Variants in GALNT13 observed in about 807,000 individuals in gnomAD.
The protein encoded by GALNT13 is polypeptide N-acetylgalactosaminyltransferase 13.
GALNT13 carries 28 observed loss-of-function variants against 64.2 expected under a neutral mutation model. That is an observed-to-expected ratio of 0.44 (90% CI 0.32 to 0.60). The LOEUF (loss-of-function observed/expected upper bound fraction) is 0.60. Among genes scored for constraint, GALNT13 ranks in the 20% least tolerant of loss-of-function variants. GALNT13 has a pLI of 0.05. For synonymous variants in GALNT13, 214 were observed against 224.6 expected, an observed-to-expected ratio of 0.95 and a Z score of 0.42; for missense variants, 577 against 669.8, an observed-to-expected ratio of 0.86 and a Z score of 1.53.
At chr2:154,024,063 A>T (rs1233793822) in intron 3 of GALNT13, among the ~76,000 whole-genome samples, 5 of 152,140 alleles carry the variant, frequency 3.3e-5, no homozygotes, top group African/African-American at 4.8e-5. Flanking sequence ...CCGAGAGATC[A>T]GCTGTTAGTC....
intron 8 of GALNT13, among the ~76,000 whole-genome samples, chr2:154,277,560 A>C (rs1691718504): frequency 6.6e-6 from 1 of 152,164 alleles, no homozygotes; most frequent in Non-Finnish European, 1.5e-5. Context: ...AGATTTATTT[A>C]AATAAGACCG....
At position 154,207,801 on chromosome 2, in the gene GALNT13, A is replaced by C. The variant is rs149074634; in HGVS notation, c.312-34229A>C. Among the ~76,000 whole-genome samples, 435 of 152,292 alleles carry C rather than the reference A, an allele frequency of 2.9e-3. 3 individuals carry two copies. Among genetic ancestry groups the C allele is most frequent in the African/African-American group, 0.01 (418 of 41,556 alleles). ...CTCTGCCCTGGTCTAAACCTTTATC[A>C]TTCAGTTAGCTTACATGCTAACTGT... On this transcript the variant is annotated intron_variant, in intron 4 of 12. Coordinates refer to ENST00000392825, the MANE Select transcript of GALNT13 (RefSeq NM_052917.4).
chr2:153,714,932 G>A, the GALNT13 span, among the ~76,000 whole-genome samples: 2 of 152,166 alleles, frequency 1.3e-5, no homozygotes, highest in Non-Finnish European at 2.9e-5. Context: ...ATAAGCTGTT[G>A]AGAGCTAATT....
At chr2:154,435,675 C>G (rs114940723) in intron 11 of GALNT13, among the ~76,000 whole-genome samples, 1,661 of 152,196 alleles carry the variant, frequency 0.011, 35 homozygotes, top group African/African-American at 0.037. Flanking sequence ...TTGCTGGACC[C>G]TTATACTAAA....
chr2:153,268,334 C>A, the GALNT13 span, among the ~76,000 whole-genome samples: 3 of 152,158 alleles, frequency 2.0e-5, no homozygotes, highest in Non-Finnish European at 2.9e-5. Context: ...AGTCATTAAA[C>A]CTTAAAATTC....
rs374118832 is a variant in GALNT13 at position 154,033,006 on chromosome 2, C to T, written c.142+88367C>T. 8.6e-5 allele frequency among the ~76,000 whole-genome samples: 13 copies of T among 150,334 alleles called. No homozygotes were observed. In the South Asian group the frequency reaches 1.1e-3, roughly 12 times the overall value. On this transcript the variant is annotated intron_variant, in intron 3 of 12. Transcript: ENST00000392825. ...ACTGTATGTAAATAGATATTGGGTG[C>T]GAAAGATACAGTCACAGAACAAACC...
Position 154,451,960 on chromosome 2 carries a change from G to C in GALNT13, c.*1409G>C, listed in dbSNP as rs904984078. The C allele has an allele frequency of 1.3e-5, 2 of 152,038 alleles. No homozygotes were observed. Among genetic ancestry groups the C allele is most frequent in the Admixed American group, 1.3e-4 (2 of 15,230 alleles). The allele number at this position is 152,038 out of a possible 1,614,324, so 9.4% of individuals were successfully genotyped here. ...TTTACTTAAAAAGCTCTTATAGAAA[G>C]GATTAATCATTTTGACTGCATACAA... is the stretch of plus-strand genomic sequence containing the variant. On this transcript the variant is annotated 3_prime_UTR_variant, in exon 13 of 13. Coordinates refer to ENST00000392825, the MANE Select transcript of GALNT13 (RefSeq NM_052917.4).
chr2:154,235,334 A>G (rs1322949869), intron 4 of GALNT13, among the ~76,000 whole-genome samples: 4 of 152,210 alleles, frequency 2.6e-5, no homozygotes, highest in Admixed American at 2.0e-4. Flanking sequence ...TGGAAGATTT[A>G]ACACATTGTA....
the GALNT13 span, among the ~76,000 whole-genome samples, chr2:153,569,057 T>C: frequency 1.3e-5 from 2 of 152,172 alleles, no homozygotes; most frequent in African/African-American, 4.8e-5. Flanking sequence ...TTATAAATAG[T>C]GCTGCTATGA....
the GALNT13 span, among the ~76,000 whole-genome samples, chr2:153,789,095 T>C: frequency 5.0e-4 from 76 of 152,054 alleles, no homozygotes; most frequent in Non-Finnish European, 1.2e-4. Flanking sequence ...TTGGACCAAA[T>C]GGATATGATA....
chr2:153,512,697 G>T, the GALNT13 span, among the ~76,000 whole-genome samples: 1 of 152,172 alleles, frequency 6.6e-6, no homozygotes, highest in Non-Finnish European at 1.5e-5. Context: ...TTAAGAGTAT[G>T]CAGTTAATAA....
intron 9 of GALNT13, among the ~76,000 whole-genome samples, chr2:154,381,255 A>G (rs752544212): frequency 2.7e-4 from 41 of 152,050 alleles, no homozygotes; most frequent in Non-Finnish European, 1.2e-4. Flanking sequence ...TTATCAATAA[A>G]TTCCCAAACA....
chr2:153,489,694 A>C, the GALNT13 span, among the ~76,000 whole-genome samples: 1 of 152,214 alleles, frequency 6.6e-6, no homozygotes, highest in Non-Finnish European at 1.5e-5. Flanking sequence ...ATTTTGGAGA[A>C]GGACTTTAAA....
At chr2:153,561,614 T>C in the GALNT13 span, among the ~76,000 whole-genome samples, 1 of 150,784 alleles carries the variant, frequency 6.6e-6, no homozygotes, top group Non-Finnish European at 1.5e-5. Context: ...TTTCAGATTT[T>C]TGGATTCTGG....
At chr2:154,236,342 T>C (rs1689189011) in intron 4 of GALNT13, among the ~76,000 whole-genome samples, 1 of 152,230 alleles carries the variant, frequency 6.6e-6, no homozygotes, top group African/African-American at 2.4e-5. Context: ...GGCTACACAT[T>C]TGAACTTCCA....
chr2:153,364,811 C>A, the GALNT13 span, among the ~76,000 whole-genome samples: 1 of 152,152 alleles, frequency 6.6e-6, no homozygotes, highest in South Asian at 2.1e-4. Flanking sequence ...CCATACTGCC[C>A]AAAGTAATTT....
chr2:154,344,310 T>A (rs1695940326), intron 9 of GALNT13, among the ~76,000 whole-genome samples: 1 of 97,716 alleles, frequency 1.0e-5, no homozygotes, highest in African/African-American at 2.8e-5. Flanking sequence ...CAGCAAACCA[T>A]TATGTTGTTG....
At chr2:153,082,770 T>TTATTTATTGAATAAATAAAATATATAC in the GALNT13 span, among the ~76,000 whole-genome samples, 1 of 145,794 alleles carries the variant, frequency 6.9e-6, no homozygotes, top group Non-Finnish European at 1.5e-5. Flanking sequence ...AAAATATATA[T>TTATTTATTGAATAAATAAAATATATAC]TATTTATTGA....
chr2:153,840,486 G>T, the GALNT13 span, among the ~76,000 whole-genome samples: 1 of 151,966 alleles, frequency 6.6e-6, no homozygotes. Context: ...AGAAAATGTT[G>T]ACTAATAAAC....
Sources: allele counts gnomAD v4.1 joint callset (sites outside exome capture counted in the v4.1 genomes callset), GRCh38; gene constraint gnomAD v4.1.1; transcripts MANE v1.5; gene names NCBI Gene and HGNC (gene_info 2026-07-23, HGNC 2026-07-21).